The following KLF12 variants were observed in gnomAD, a reference collection of about 807,000 sequenced individuals.
KLF12 encodes KLF transcription factor 12, also known as Krueppel-like factor 12.
KLF12 carries 9 observed loss-of-function variants against 37.8 expected under a neutral mutation model. The ratio of observed to expected loss-of-function variants is 0.24; its 90% CI spans 0.14 to 0.42. The LOEUF (loss-of-function observed/expected upper bound fraction) is 0.42. Among genes scored for constraint, KLF12 ranks in the 10% least tolerant of loss-of-function variants. The pLI, the probability that KLF12 is intolerant of heterozygous loss-of-function variation, is 1.00. For synonymous variants in KLF12, 208 were observed against 202.1 expected (o/e 1.03, Z -0.25); for missense variants, 411 against 516.0 (o/e 0.80, Z 1.97).
chr13:74,254,001 T>C, the KLF12 span, among the ~76,000 whole-genome samples: 1 of 152,222 alleles, frequency 6.6e-6, no homozygotes, highest in Non-Finnish European at 1.5e-5. Flanking sequence ...TTTCTCTCTT[T>C]TCCTCTTTCT....
chr13:73,718,472 G>A (rs561512263), intron 6 of KLF12, among the ~76,000 whole-genome samples: 194 of 152,298 alleles, frequency 1.3e-3, no homozygotes, highest in African/African-American at 4.2e-3. Flanking sequence ...ACAGTGAAAC[G>A]TGGGCCAGGT....
intron 2 of KLF12, among the ~76,000 whole-genome samples, chr13:73,994,779 G>A (rs1167796033): frequency 1.3e-5 from 2 of 152,128 alleles, no homozygotes; most frequent in Non-Finnish European, 2.9e-5. Context: ...ATTACAGCTA[G>A]ACTTGCAGGA....
At chr13:74,106,140 C>T (rs767663139) in intron 1 of KLF12, among the ~76,000 whole-genome samples, 1 of 152,154 alleles carries the variant, frequency 6.6e-6, no homozygotes, top group Non-Finnish European at 1.5e-5. Flanking sequence ...ACATTTGATG[C>T]CTACTGTCTA....
At chr13:74,071,688 G>A (rs528619137) in intron 1 of KLF12, among the ~76,000 whole-genome samples, 7 of 152,100 alleles carry the variant, frequency 4.6e-5, no homozygotes, top group South Asian at 2.1e-4. Context: ...GCGAGACTCC[G>A]TCTCAAAAAA....
chr13:74,064,491 C>T (rs1317585111), intron 1 of KLF12, among the ~76,000 whole-genome samples: 1 of 152,126 alleles, frequency 6.6e-6, no homozygotes, highest in Non-Finnish European at 1.5e-5. Flanking sequence ...CAGTGACTTA[C>T]AAAATTTGGT....
chr13:73,923,337 T>G (rs1006897877), intron 3 of KLF12, among the ~76,000 whole-genome samples: 3 of 152,202 alleles, frequency 2.0e-5, no homozygotes, highest in Non-Finnish European at 2.9e-5. Context: ...CTGGAGAAAG[T>G]GTCCCAGTAT....
the KLF12 span, among the ~76,000 whole-genome samples, chr13:74,171,841 A>T: frequency 6.6e-6 from 1 of 152,294 alleles, no homozygotes; most frequent in South Asian, 2.1e-4. Flanking sequence ...TTCTGTTGCT[A>T]TTTATTTGTC....
At chr13:73,975,240 G>A (rs1470280082) in intron 2 of KLF12, among the ~76,000 whole-genome samples, 1 of 152,176 alleles carries the variant, frequency 6.6e-6, no homozygotes, top group Non-Finnish European at 1.5e-5. Flanking sequence ...TGTATAGAAT[G>A]AGGTATTGTC....
chr13:73,789,763 G>A (rs1419755404), intron 5 of KLF12, among the ~76,000 whole-genome samples: 2 of 150,288 alleles, frequency 1.3e-5, no homozygotes, highest in African/African-American at 2.5e-5. Flanking sequence ...TGCAAGCTCC[G>A]CCTCCCGGGT....
the KLF12 span, among the ~76,000 whole-genome samples, chr13:74,294,109 A>G: frequency 2.0e-5 from 3 of 152,352 alleles, no homozygotes; most frequent in African/African-American, 7.2e-5. Flanking sequence ...GAGATTTGGC[A>G]TTGCCAAAAA....
chr13:74,157,879 G>A, the KLF12 span, among the ~76,000 whole-genome samples: 21 of 152,138 alleles, frequency 1.4e-4, no homozygotes, highest in South Asian at 3.9e-3. Flanking sequence ...CATTCATCAG[G>A]TGCCCTCACA....
intron 5 of KLF12, among the ~76,000 whole-genome samples, chr13:73,781,150 C>T (rs917077146): frequency 1.3e-5 from 2 of 152,150 alleles, no homozygotes; most frequent in Non-Finnish European, 2.9e-5. Flanking sequence ...AAATACGACT[C>T]GCTGAAACCT....
At chr13:73,698,675 A>C (rs1874322864) in intron 7 of KLF12, among the ~76,000 whole-genome samples, 1 of 152,204 alleles carries the variant, frequency 6.6e-6, no homozygotes, top group Non-Finnish European at 1.5e-5. Context: ...GCACAGCCAC[A>C]TTTATTTATT....
At chr13:73,847,047 CTT>C (rs936762208) in intron 3 of KLF12, among the ~76,000 whole-genome samples, 7 of 152,114 alleles carry the variant, frequency 4.6e-5, no homozygotes, top group Non-Finnish European at 7.4e-5. Context: ...CACCTGCACT[CTT>C]TTAAGTTTTA....
At chr13:74,024,711 T>G (rs1210968738) in intron 1 of KLF12, among the ~76,000 whole-genome samples, 1 of 152,210 alleles carries the variant, frequency 6.6e-6, no homozygotes, top group South Asian at 2.1e-4. Flanking sequence ...TTAAGAGAGA[T>G]AGGCAACATC....
rs531016184 is a variant in KLF12 at position 74,111,935 on chromosome 13, G to A, written c.-32+21804C>T. Among the ~76,000 whole-genome samples the A allele has an allele frequency of 2.6e-5, 4 of 152,178 alleles. No homozygotes were observed. In the South Asian group the frequency reaches 8.3e-4, roughly 32 times the overall value. On this transcript the variant is annotated intron_variant, in intron 1 of 7. Transcript: ENST00000377669. ...TAAATTTGTTCAGTATTTGTTTAAG[G>A]CTAGAAAGTCATAAGCTTCAACCAA... is the stretch of plus-strand genomic sequence containing the variant.
At chr13:74,211,342 A>C in the KLF12 span, among the ~76,000 whole-genome samples, 1 of 152,168 alleles carries the variant, frequency 6.6e-6, no homozygotes, top group Non-Finnish European at 1.5e-5. Context: ...GAAAATAGCC[A>C]ACCATCAGGT....
intron 1 of KLF12, among the ~76,000 whole-genome samples, chr13:74,119,802 T>C (rs769876548): frequency 6.6e-6 from 1 of 151,916 alleles, no homozygotes. Context: ...GAAAAGGTAA[T>C]GGGTAGAAAT....
At chr13:73,865,955 C>T (rs976277430) in intron 3 of KLF12, among the ~76,000 whole-genome samples, 2 of 152,080 alleles carry the variant, frequency 1.3e-5, no homozygotes, top group African/African-American at 4.8e-5. Context: ...TAGTAAGATA[C>T]TTTAAAAAGC....
Sources: gnomAD v4.1 joint callset for allele counts (sites outside exome capture counted in the v4.1 genomes callset) on GRCh38, gnomAD v4.1.1 for gene constraint, MANE v1.5 for transcripts, NCBI Gene and HGNC (gene_info 2026-07-23, HGNC 2026-07-21) for gene names.